LAPTM4A: variants seen among roughly 807,000 people sequenced by gnomAD.
The protein encoded by LAPTM4A is lysosomal-associated transmembrane protein 4A.
In LAPTM4A, 19 loss-of-function variants were observed where a neutral mutation model predicts 29.9. The observed-to-expected ratio is 0.64, with a 90% CI of 0.44 to 0.93. LAPTM4A has a LOEUF of 0.93. Among genes scored for constraint, LAPTM4A ranks in the 40% least tolerant of loss-of-function variants. The probability of loss-of-function intolerance (pLI) is 0.00; values close to 1 mark genes in which losing one functional copy is unlikely to be tolerated. For missense variants in LAPTM4A, 293 were observed against 288.5 expected, an observed-to-expected ratio of 1.02 and a Z score of -0.11; for synonymous variants, 105 against 102.1, an observed-to-expected ratio of 1.03 and a Z score of -0.17.
At chr2:20,039,791 C>T (rs535588902) in intron 2 of LAPTM4A, among the ~76,000 whole-genome samples, 58 of 151,744 alleles carry the variant, frequency 3.8e-4, no homozygotes, top group African/African-American at 1.1e-3. Flanking sequence ...CGCTGTGGCA[C>T]GCCTGTAATC....
chr2:20,040,090 C>T (rs976952282), intron 2 of LAPTM4A, among the ~76,000 whole-genome samples: 2 of 152,106 alleles, frequency 1.3e-5, no homozygotes, highest in Non-Finnish European at 2.9e-5. Flanking sequence ...GGGTAGAGCC[C>T]TCATGGCCTA....
chr2:20,033,611 G>A (rs976735026), intron 6 of LAPTM4A, among the ~76,000 whole-genome samples: 1 of 152,190 alleles, frequency 6.6e-6, no homozygotes, highest in South Asian at 2.1e-4. Context: ...TACACTTCAG[G>A]TGTTGAGGAG....
At chr2:20,035,184 A>T (rs1034597411) in intron 4 of LAPTM4A, 122 bp from the exon 5 acceptor site, 5 of 684,202 alleles carry the variant, frequency 7.3e-6, no homozygotes, top group African/African-American at 1.8e-5. Flanking sequence ...ATAAAAATGT[A>T]TAAGCAGAAT....
chr2:20,043,625 T>C (rs1673854747), intron 1 of LAPTM4A, among the ~76,000 whole-genome samples: 2 of 152,260 alleles, frequency 1.3e-5, no homozygotes. Flanking sequence ...GTCATTTCAC[T>C]AACATCCGCT....
chr2:20,048,158 T>C (rs1673976237), intron 1 of LAPTM4A, among the ~76,000 whole-genome samples: 1 of 152,234 alleles, frequency 6.6e-6, no homozygotes, highest in Non-Finnish European at 1.5e-5. Flanking sequence ...AATGTAGTCT[T>C]GTAGTGCACA....
intron 1 of LAPTM4A, among the ~76,000 whole-genome samples, chr2:20,047,143 A>G (rs1673942459): frequency 1.3e-5 from 2 of 151,960 alleles, no homozygotes; most frequent in African/African-American, 2.4e-5. Context: ...TAATCCCAGC[A>G]CTTTGGGAGG....
At chr2:20,035,692 A>G (rs1397181741) in intron 4 of LAPTM4A, among the ~76,000 whole-genome samples, 1 of 152,218 alleles carries the variant, frequency 6.6e-6, no homozygotes, top group Non-Finnish European at 1.5e-5. Context: ...GTTATAAAAG[A>G]AGAATTTCAG....
chr2:20,048,731 G>A (rs961188191), intron 1 of LAPTM4A, among the ~76,000 whole-genome samples: 1 of 152,190 alleles, frequency 6.6e-6, no homozygotes, highest in Non-Finnish European at 1.5e-5. Flanking sequence ...TCAAGCAAGA[G>A]AGTACCTTGA....
chr2:20,039,747 A>G (rs1673753233), intron 2 of LAPTM4A, among the ~76,000 whole-genome samples: 1 of 151,916 alleles, frequency 6.6e-6, no homozygotes, highest in African/African-American at 2.4e-5. Context: ...AAATAATATA[A>G]ATGTGATTTT....
intron 4 of LAPTM4A, among the ~76,000 whole-genome samples, chr2:20,036,176 G>C (rs909182507): frequency 1.4e-5 from 1 of 69,552 alleles, no homozygotes; most frequent in Admixed American, 1.8e-4. Flanking sequence ...CGCTGACCGT[G>C]GCTGACCAGG....
intron 2 of LAPTM4A, among the ~76,000 whole-genome samples, chr2:20,039,100 AGAGACAGG>A (rs1673740581): frequency 6.6e-6 from 1 of 152,156 alleles, no homozygotes; most frequent in Non-Finnish European, 1.5e-5. Flanking sequence ...TATTTTTAAT[AGAGACAGG>A]ATTTCACCAT....
At chr2:20,041,151 G>A (rs545261507) in intron 1 of LAPTM4A, 140 bp from the exon 2 acceptor site, 6 of 647,692 alleles carry the variant, frequency 9.3e-6, no homozygotes, top group African/African-American at 7.3e-5. Flanking sequence ...CTACCTGTGA[G>A]ATAAAACAAT....
At chr2:20,034,168 C>T (rs936509) in intron 6 of LAPTM4A, 149 bp downstream of exon 6, 160,904 of 662,148 alleles carry the variant, frequency 0.24, 24,268 homozygotes, top group East Asian at 0.54. Flanking sequence ...ATGTTGAATC[C>T]TGTGGATTTT....
chr2:20,050,569 G>A (rs992931868), intron 1 of LAPTM4A, among the ~76,000 whole-genome samples: 7 of 152,138 alleles, frequency 4.6e-5, no homozygotes, highest in Non-Finnish European at 1.0e-4. Context: ...TAGGTTTAAT[G>A]TGCATGGATA....
At chr2:20,051,385 T>G (rs201703270) in intron 1 of LAPTM4A, 25 bp downstream of exon 1, 356 of 1,248,742 alleles carry the variant, frequency 2.9e-4, no homozygotes, top group Admixed American at 5.5e-4. Context: ...CCCCCGGACA[T>G]ACGCGCCACG....
rs1192381710 is a variant in LAPTM4A at position 20,033,397 on chromosome 2, T to G, written c.628-118A>C. Reference sequence around the variant, plus strand: ...GTTATACAAAACCATAAAGAAGAGCTGAAGAAACTGTTAGCTAAAATGTTC... The same window carrying G: ...GTTATACAAAACCATAAAGAAGAGCGGAAGAAACTGTTAGCTAAAATGTTC... On this transcript the variant is annotated intron_variant, in intron 6 of 6. Coordinates refer to ENST00000175091, the MANE Select transcript of LAPTM4A (RefSeq NM_014713.5). The G allele has an allele frequency of 5.3e-6, 4 of 756,760 alleles. No homozygotes were observed. The East Asian group carries it at 7.9e-5, about 15-fold the overall frequency. The allele number at this position is 756,760 out of a possible 1,614,324, so 46.9% of individuals were successfully genotyped here. A position where few individuals can be genotyped will look rare whatever the true frequency, so the allele number is the denominator to read the frequency against.
rs1465477173 is a variant in LAPTM4A, at chr2:20,040,993, C to A, written c.130G>T (p.Ala44Ser). ...TWYMVVNLLM[A>S]ILLTVEVTHP... ...GTCACTTCCACAGTCAGCAAAATTG[C>A]CATCAATAGGTTTACTACCTGGAAA... Residue 44 changes from alanine to serine, a missense_variant, in exon 2 of 7, where the codon GCA becomes TCA. Ala to Ser is a moderately conservative substitution (Grantham distance 99, BLOSUM62 1). Coordinates refer to ENST00000175091, the MANE Select transcript of LAPTM4A (RefSeq NM_014713.5). 4 of 1,613,554 alleles carry A rather than the reference C, an allele frequency of 2.5e-6. No individual in the cohort carries two copies. The highest frequency in any genetic ancestry group is 3.4e-6 in the Non-Finnish European group (4 of 1,179,728).
In LAPTM4A at chr2:20,046,831, C is replaced by CA. The variant is rs769497299; in HGVS notation, c.111+4578dup. Reference sequence around the variant, plus strand: ...TTTTTTGGTAGAGAGGGGGTTTCGTCATGTTGCTCAGGCTGGTCTCGAACT... The same window carrying CA: ...TTTTTTGGTAGAGAGGGGGTTTCGTCAATGTTGCTCAGGCTGGTCTCGAACT... On this transcript the variant is annotated intron_variant, in intron 1 of 6. Transcript: ENST00000175091. Among the ~76,000 whole-genome samples, 158 of 131,450 alleles carry CA rather than the reference C, an allele frequency of 1.2e-3. No homozygotes were observed. The Middle Eastern group carries it at 0.028, about 23-fold the overall frequency. The allele number at this position is 131,450 out of a possible 152,430, so 86.2% of individuals were successfully genotyped here. A position where few individuals can be genotyped will look rare whatever the true frequency, so the allele number is the denominator to read the frequency against.
Position 20,033,210 on chromosome 2 carries a change from C to G in LAPTM4A, c.697G>C (p.Ala233Pro). ...EKEPPPPYLPA is the reference protein window; with the variant it reads ...EKEPPPPYLPP The stretch of plus-strand genomic sequence containing the variant: ...TTGTCAAAGGCAGAATTTCTTCAGG[C>G]AGGTAAGTAAGGAGGTGGTGGTTCT... The change falls in exon 7 of 7, where the codon GCC (alanine) becomes CCC (proline). Residue 233 changes from alanine to proline, a missense_variant. By Grantham distance (27) the Ala-to-Pro change is conservative (BLOSUM62 -1). Transcript: ENST00000175091. 6.2e-7 allele frequency: 1 copy of G among 1,613,626 alleles called. No homozygotes were observed.
Sources: allele counts gnomAD v4.1 joint callset (sites outside exome capture counted in the v4.1 genomes callset), GRCh38; gene constraint gnomAD v4.1.1; transcripts MANE v1.5; gene names NCBI Gene and HGNC (gene_info 2026-07-23, HGNC 2026-07-21).